Variants in FBXW11 observed in about 807,000 individuals in gnomAD.
FBXW11 encodes the protein F-box/WD repeat-containing protein 11.
In FBXW11, 19 loss-of-function variants were observed where a neutral mutation model predicts 77.6. That is an observed-to-expected ratio of 0.24 (90% CI 0.17 to 0.36). The LOEUF is 0.36. Ranked by LOEUF, FBXW11 falls within the 10% of genes least tolerant of loss-of-function variation. The pLI, the probability that FBXW11 is intolerant of heterozygous loss-of-function variation, is 1.00. For synonymous variants in FBXW11, 235 were observed against 249.4 expected, an observed-to-expected ratio of 0.94 and a Z score of 0.54; for missense variants, 334 against 704.2, an observed-to-expected ratio of 0.47 and a Z score of 5.95.
At chr5:171,908,948 G>A (rs937973046) in intron 4 of FBXW11, 4 of 152,228 alleles carry the variant, frequency 2.6e-5, no homozygotes, top group African/African-American at 7.2e-5. Context: ...TAGGGTTGTG[G>A]TAATGGTACT....
At chr5:171,959,275 T>C (rs114040014) in intron 1 of FBXW11, among the ~76,000 whole-genome samples, 2,359 of 152,102 alleles carry the variant, frequency 0.016, 51 homozygotes, top group African/African-American at 0.053. Flanking sequence ...ACAAATTTTG[T>C]TGCCTCAACA....
At chr5:171,951,425 A>C (rs1184973390) in intron 2 of FBXW11, among the ~76,000 whole-genome samples, 17 of 152,030 alleles carry the variant, frequency 1.1e-4, no homozygotes, top group Non-Finnish European at 2.9e-5. Flanking sequence ...GGTCCCAGCT[A>C]CTCAGGAGGC....
chr5:171,954,216 G>C (rs965021654), intron 2 of FBXW11, among the ~76,000 whole-genome samples: 7 of 152,184 alleles, frequency 4.6e-5, no homozygotes, highest in African/African-American at 1.7e-4. Context: ...AATGGCAGTT[G>C]CAAGTTAAAA....
chr5:172,004,582 T>C (rs924681427), intron 1 of FBXW11, among the ~76,000 whole-genome samples: 1 of 152,282 alleles, frequency 6.6e-6, no homozygotes, highest in Middle Eastern at 3.4e-3. Context: ...ATAAATACAT[T>C]TTCGTTATTT....
intron 1 of FBXW11, among the ~76,000 whole-genome samples, chr5:171,968,437 AAAGAGCCAGACTCT>A (rs1477179441): frequency 4.4e-4 from 65 of 148,068 alleles, no homozygotes; most frequent in African/African-American, 1.5e-3. Context: ...AGCCTGGGCG[AAAGAGCCAGACTCT>A]GTCTCAAAAA....
chr5:171,878,822 ATG>A (rs1758308585), intron 7 of FBXW11, among the ~76,000 whole-genome samples: 1 of 152,072 alleles, frequency 6.6e-6, no homozygotes, highest in African/African-American at 2.4e-5. Flanking sequence ...AAAAATATTA[ATG>A]AAAAAGAATT....
chr5:172,005,679 C>T lies in FBXW11; in HGVS notation c.45+779G>A, dbSNP rs940777574. Among the ~76,000 whole-genome samples the T allele has an allele frequency of 5.3e-5, 8 of 152,064 alleles. No homozygotes were observed. In the South Asian group the frequency reaches 1.2e-3, roughly 24 times the overall value. ...TTTTTTTTCTTTCTGAGAAGAAAGACCTCGCGGCAGTGATGAGGATGGCTC... is the reference window on the plus strand; with the variant it reads ...TTTTTTTTCTTTCTGAGAAGAAAGATCTCGCGGCAGTGATGAGGATGGCTC... On this transcript the variant is annotated intron_variant, in intron 1 of 13. Coordinates refer to ENST00000517395, the MANE Select transcript of FBXW11 (RefSeq NM_001378974.1).
chr5:171,961,787 C>T (rs1763927067), intron 1 of FBXW11, among the ~76,000 whole-genome samples: 1 of 152,138 alleles, frequency 6.6e-6, no homozygotes, highest in African/African-American at 2.4e-5. Flanking sequence ...ACTGGGATTA[C>T]AGGCACCTGC....
intron 2 of FBXW11, among the ~76,000 whole-genome samples, chr5:171,919,986 T>A (rs888356541): frequency 6.6e-6 from 1 of 151,964 alleles, no homozygotes; most frequent in African/African-American, 2.4e-5. Context: ...TGAAACCCCA[T>A]CTCTACTAAA....
At chr5:171,921,172 C>T (rs1230059714) in intron 2 of FBXW11, among the ~76,000 whole-genome samples, 1 of 152,124 alleles carries the variant, frequency 6.6e-6, no homozygotes, top group Non-Finnish European at 1.5e-5. Flanking sequence ...TACCAATCAA[C>T]GGAAGTGGTA....
At chr5:171,897,916 T>TAA (rs1759857027) in intron 6 of FBXW11, among the ~76,000 whole-genome samples, 2 of 152,290 alleles carry the variant, frequency 1.3e-5, no homozygotes, top group South Asian at 4.1e-4. Context: ...CCACTAGCAC[T>TAA]GTAGGGGCAA....
intron 3 of FBXW11, among the ~76,000 whole-genome samples, chr5:171,913,867 A>G (rs1044417108): frequency 2.3e-4 from 34 of 150,708 alleles, no homozygotes; most frequent in African/African-American, 8.4e-4. Flanking sequence ...ACACACACAC[A>G]CACACACAAC....
At chr5:171,894,432 G>A (rs376362131) in intron 6 of FBXW11, among the ~76,000 whole-genome samples, 24 of 152,248 alleles carry the variant, frequency 1.6e-4, no homozygotes, top group African/African-American at 3.9e-4. Flanking sequence ...CAAAGTCCTC[G>A]CCTAGGCCTG....
At chr5:171,907,272 A>G (rs1368295474) in intron 4 of FBXW11, among the ~76,000 whole-genome samples, 2 of 152,236 alleles carry the variant, frequency 1.3e-5, no homozygotes, top group African/African-American at 4.8e-5. Context: ...AGCTATAATT[A>G]TAATTTTTAC....
rs1478087632 is a variant in FBXW11 at position 171,869,219 on chromosome 5, T to C, written c.1531-423A>G. Among the ~76,000 whole-genome samples the C allele has an allele frequency of 6.6e-6, 1 of 152,186 alleles. No individual in the cohort carries two copies. The highest frequency in any genetic ancestry group is 1.5e-5 in the Non-Finnish European group (1 of 68,040). ...TGAAATAATAATATAAGAGTTCCCATTAAAATCAAGAAGACAGTTCTGCAT... is the reference window on the plus strand; with the variant it reads ...TGAAATAATAATATAAGAGTTCCCACTAAAATCAAGAAGACAGTTCTGCAT... On this transcript the variant is annotated intron_variant, in intron 12 of 13. Transcript: ENST00000517395. This position sits in a 1 kb window ranked among gnomAD's most constrained non-coding sequence, Gnocchi z 4.1.
At chr5:171,990,726 G>T (rs1266545115) in intron 1 of FBXW11, among the ~76,000 whole-genome samples, 1 of 152,066 alleles carries the variant, frequency 6.6e-6, no homozygotes, top group African/African-American at 2.4e-5. Flanking sequence ...CTTAAAAAAA[G>T]GTGCAAAAAT....
At position 172,006,595 on chromosome 5, in the gene FBXW11, G is replaced by T; in HGVS notation, c.-93C>A. ...GGCGGAGGCGGCAGAGGCGGAGGCG[G>T]CTATCGCACCCACTCTAGCTGCCAG... is the stretch of plus-strand genomic sequence containing the variant. On this transcript the variant is annotated 5_prime_UTR_variant, in exon 1 of 14. Transcript: ENST00000517395. The T allele has an allele frequency of 7.2e-7, 1 of 1,389,088 alleles. No homozygotes were observed. The highest frequency in any genetic ancestry group is 9.3e-7 in the Non-Finnish European group (1 of 1,070,642). The allele number at this position is 1,389,088 out of a possible 1,614,324, so 86.0% of individuals were successfully genotyped here.
At chr5:171,975,325 C>T (rs1352416568) in intron 1 of FBXW11, among the ~76,000 whole-genome samples, 1 of 152,152 alleles carries the variant, frequency 6.6e-6, no homozygotes, top group Non-Finnish European at 1.5e-5. Flanking sequence ...GCAGTTTAGG[C>T]AGAGGCAGTC....
chr5:171,977,252 G>A (rs527587957), intron 1 of FBXW11, among the ~76,000 whole-genome samples: 2 of 149,386 alleles, frequency 1.3e-5, no homozygotes, highest in African/African-American at 5.0e-5. Context: ...TGAGGCTGTA[G>A]TGAGCCATGA....
Sources: allele counts gnomAD v4.1 joint callset (sites outside exome capture counted in the v4.1 genomes callset), GRCh38; gene constraint gnomAD v4.1.1; non-coding constraint Gnocchi (gnomAD v3.1); transcripts MANE v1.5; gene names NCBI Gene and HGNC (gene_info 2026-07-23, HGNC 2026-07-21).